Variants in EPHA6 observed in about 807,000 individuals in gnomAD.
EPHA6 encodes ephrin type-A receptor 6.
EPHA6 carries 50 observed loss-of-function variants against 112.0 expected under a neutral mutation model. That is an observed-to-expected ratio of 0.45 (90% CI 0.36 to 0.56). The LOEUF is 0.56. Among genes scored for constraint, EPHA6 ranks in the 20% least tolerant of loss-of-function variants. The pLI is 0.00. For missense variants in EPHA6, 1,280 were observed against 1,417.4 expected, an observed-to-expected ratio of 0.90 and a Z score of 1.56; for synonymous variants, 529 against 490.7, an observed-to-expected ratio of 1.08 and a Z score of -1.03.
chr3:96,844,099 G>T (rs911470632), intron 1 of EPHA6, among the ~76,000 whole-genome samples: 1 of 151,906 alleles, frequency 6.6e-6, no homozygotes, highest in East Asian at 1.9e-4. Flanking sequence ...AAAGATTCTG[G>T]GGTGTATACT....
At chr3:97,554,547 C>CT (rs2093075147) in intron 11 of EPHA6, among the ~76,000 whole-genome samples, 1 of 151,966 alleles carries the variant, frequency 6.6e-6, no homozygotes, top group Non-Finnish European at 1.5e-5. Flanking sequence ...CAATACAAAG[C>CT]TTTTTGGTGG....
intron 3 of EPHA6, among the ~76,000 whole-genome samples, chr3:97,066,808 A>G (rs557539223): frequency 6.6e-6 from 1 of 152,344 alleles, no homozygotes; most frequent in East Asian, 1.9e-4. Context: ...CAAATTTTAC[A>G]TGCCTGAGCA....
At chr3:97,149,632 G>T (rs1300224402) in intron 3 of EPHA6, among the ~76,000 whole-genome samples, 2 of 151,730 alleles carry the variant, frequency 1.3e-5, no homozygotes, top group African/African-American at 4.8e-5. Flanking sequence ...TTCTAATTGA[G>T]AAACTCAAAA....
Position 97,297,389 on chromosome 3 carries a change from G to A in EPHA6, c.1606+53102G>A, listed in dbSNP as rs532914266. Among the ~76,000 whole-genome samples, 19 of 152,212 alleles carry A rather than the reference G, an allele frequency of 1.2e-4. No individual in the cohort carries two copies. In the South Asian group the frequency reaches 3.9e-3, roughly 32 times the overall value. ...TTTATGGAAAAGGCTAGTTCTGGCT[G>A]CCTTCAGTCAGCCATCTTGAAGCCT... On this transcript the variant is annotated intron_variant, in intron 5 of 17. Transcript: ENST00000389672.
chr3:97,664,042 T>C (rs893712663), intron 14 of EPHA6, among the ~76,000 whole-genome samples: 8 of 152,206 alleles, frequency 5.3e-5, no homozygotes, highest in African/African-American at 1.9e-4. Flanking sequence ...TGGTGTGAGA[T>C]GGTGTCTCAT....
chr3:97,387,162 C>T (rs190293227), intron 5 of EPHA6, among the ~76,000 whole-genome samples: 1 of 152,340 alleles, frequency 6.6e-6, no homozygotes, highest in African/African-American at 2.4e-5. Context: ...TCCCCATTGT[C>T]TTGACTATTA....
chr3:97,541,055 G>A (rs1344456599), intron 11 of EPHA6, among the ~76,000 whole-genome samples: 1 of 152,038 alleles, frequency 6.6e-6, no homozygotes, highest in Non-Finnish European at 1.5e-5. Context: ...CTTATGTAGG[G>A]CTGGATAAAA....
intron 2 of EPHA6, among the ~76,000 whole-genome samples, chr3:96,884,701 G>A (rs569600519): frequency 6.6e-6 from 1 of 152,150 alleles, no homozygotes; most frequent in Non-Finnish European, 1.5e-5. Flanking sequence ...TTACCGATTT[G>A]GATGCCCTTT....
intron 5 of EPHA6, among the ~76,000 whole-genome samples, chr3:97,343,053 C>T (rs2083386967): frequency 6.6e-6 from 1 of 152,050 alleles, no homozygotes; most frequent in Non-Finnish European, 1.5e-5. Flanking sequence ...AGCCAATATT[C>T]CTGTGAAGGG....
chr3:97,083,278 T>C (rs1380250982), intron 3 of EPHA6, among the ~76,000 whole-genome samples: 1 of 152,032 alleles, frequency 6.6e-6, no homozygotes, highest in Non-Finnish European at 1.5e-5. Context: ...ATCATAAGTA[T>C]TTCACAAAAC....
intron 10 of EPHA6, among the ~76,000 whole-genome samples, chr3:97,502,235 C>T (rs2107559419): frequency 7.1e-6 from 1 of 141,060 alleles, no homozygotes; most frequent in Non-Finnish European, 1.5e-5. Flanking sequence ...ATGGTGCAAT[C>T]TCGGCTCACT....
intron 5 of EPHA6, among the ~76,000 whole-genome samples, chr3:97,246,640 A>G (rs976169361): frequency 6.6e-6 from 1 of 151,622 alleles, no homozygotes; most frequent in East Asian, 1.9e-4. Flanking sequence ...TTTAGATATA[A>G]ATATTAAAAT....
chr3:97,589,800 C>A (rs767875465), intron 11 of EPHA6, among the ~76,000 whole-genome samples: 1 of 152,116 alleles, frequency 6.6e-6, no homozygotes, highest in South Asian at 2.1e-4. Context: ...AAATACTCCA[C>A]GGAATGTAAC....
intron 3 of EPHA6, among the ~76,000 whole-genome samples, chr3:97,116,667 T>C (rs1008054496): frequency 6.6e-6 from 1 of 151,808 alleles, no homozygotes; most frequent in Admixed American, 6.6e-5. Context: ...GATAACAAGA[T>C]TTCTTTCTTT....
At position 97,755,245 on chromosome 3, in the gene EPHA6, T is replaced by C. The variant is rs952953471; in HGVS notation, c.*6544T>C. ...GTAGCTCTTAAATGTTAAATAAAGA[T>C]GTGGCTTCTATATTTAATTAAAAAA... is the stretch of plus-strand genomic sequence containing the variant. On this transcript the variant is annotated 3_prime_UTR_variant, in exon 18 of 18. Transcript: ENST00000389672. Among the ~76,000 whole-genome samples, 11 of 152,314 alleles carry C rather than the reference T, an allele frequency of 7.2e-5. No homozygotes were observed. Among genetic ancestry groups the C allele is most frequent in the African/African-American group, 2.6e-4 (11 of 41,580 alleles).
At chr3:97,066,861 C>T (rs1356559776) in intron 3 of EPHA6, among the ~76,000 whole-genome samples, 2 of 152,084 alleles carry the variant, frequency 1.3e-5, no homozygotes, top group South Asian at 2.1e-4. Context: ...TAATAGCAGA[C>T]AGGACATATC....
intron 3 of EPHA6, among the ~76,000 whole-genome samples, chr3:97,139,469 C>T (rs1448779968): frequency 6.6e-6 from 1 of 152,114 alleles, no homozygotes; most frequent in Non-Finnish European, 1.5e-5. Context: ...AAGACCTTCA[C>T]CTCCCCATCT....
intron 5 of EPHA6, among the ~76,000 whole-genome samples, chr3:97,372,906 C>G (rs1176818502): frequency 6.6e-6 from 1 of 152,074 alleles, no homozygotes; most frequent in Non-Finnish European, 1.5e-5. Flanking sequence ...ACAAAAGGGA[C>G]TCTTTCCTGA....
Position 97,237,622 on chromosome 3 carries a change from A to T in EPHA6, c.1271-6330A>T, listed in dbSNP as rs147685144. On this transcript the variant is annotated intron_variant, in intron 4 of 17. Transcript: ENST00000389672. ...TTATCAAGAAATCATTCATAATTTG[A>T]AACAGAACATCCATAATTGTTGCTA... is the stretch of plus-strand genomic sequence containing the variant. Among the ~76,000 whole-genome samples, 968 of 152,164 alleles carry T rather than the reference A, an allele frequency of 6.4e-3. 12 individuals are homozygous for T. The highest frequency in any genetic ancestry group is 0.022 in the African/African-American group (932 of 41,550).
Sources: gnomAD v4.1 joint callset for allele counts (sites outside exome capture counted in the v4.1 genomes callset) on GRCh38, gnomAD v4.1.1 for gene constraint, MANE v1.5 for transcripts, NCBI Gene and HGNC (gene_info 2026-07-23, HGNC 2026-07-21) for gene names.